Variants in NYAP2 observed in about 807,000 individuals in gnomAD.
The protein encoded by NYAP2 is neuronal tyrosine-phosphorylated phosphoinositide-3-kinase adapter 2.
A neutral mutation model predicts 50.4 loss-of-function variants in NYAP2; 23 were observed. The observed-to-expected ratio is 0.46, with a 90% CI of 0.33 to 0.65. NYAP2 has a LOEUF of 0.65. Ranked by LOEUF, NYAP2 falls within the 30% of genes least tolerant of loss-of-function variation. NYAP2 has a pLI of 0.02. For synonymous variants in NYAP2, 394 were observed against 365.2 expected, an observed-to-expected ratio of 1.08 and a Z score of -0.90; for missense variants, 885 against 861.0, an observed-to-expected ratio of 1.03 and a Z score of -0.35.
intron 3 of NYAP2, among the ~76,000 whole-genome samples, chr2:225,496,877 T>C (rs185106095): frequency 2.0e-5 from 3 of 152,334 alleles, no homozygotes. Flanking sequence ...AATACTATAA[T>C]GAGACCAACT....
chr2:225,483,222 A>G (rs1690235796), intron 3 of NYAP2, among the ~76,000 whole-genome samples: 1 of 152,226 alleles, frequency 6.6e-6, no homozygotes, highest in Non-Finnish European at 1.5e-5. Context: ...TAATAATAAT[A>G]AATAAGAGAG....
chr2:225,568,022 T>C (rs1691992573), intron 4 of NYAP2, among the ~76,000 whole-genome samples: 1 of 152,174 alleles, frequency 6.6e-6, no homozygotes, highest in Non-Finnish European at 1.5e-5. Flanking sequence ...TTTTATTCCC[T>C]ATATTGCTAG....
chr2:225,404,702 A>C (rs528192088), intron 2 of NYAP2, among the ~76,000 whole-genome samples: 1 of 152,126 alleles, frequency 6.6e-6, no homozygotes, highest in East Asian at 1.9e-4. Context: ...AACAAAGTGA[A>C]AAAATAAAAT....
At chr2:225,472,867 G>A (rs1415032302) in intron 3 of NYAP2, among the ~76,000 whole-genome samples, 1 of 151,946 alleles carries the variant, frequency 6.6e-6, no homozygotes, top group Non-Finnish European at 1.5e-5. Flanking sequence ...GTGCAGGTTT[G>A]TTACATATGT....
intron 2 of NYAP2, among the ~76,000 whole-genome samples, chr2:225,405,313 G>A (rs150398758): frequency 2.8e-4 from 43 of 152,064 alleles, no homozygotes; most frequent in African/African-American, 7.9e-4. Context: ...ATGCTACCTG[G>A]AGGAGAGGGG....
Position 225,458,816 on chromosome 2 carries a change from A to G in NYAP2, c.221+49715A>G, listed in dbSNP as rs1464040229. 2.0e-5 allele frequency among the ~76,000 whole-genome samples: 3 copies of G among 152,240 alleles called. No homozygotes were observed. In the East Asian group the frequency reaches 5.8e-4, roughly 29 times the overall value. ...TTCCTTCTTACCACTTTAGTCAAGA[A>G]GCTGTGTTGGTTTTAAAGTAATTCT... On this transcript the variant is annotated intron_variant, in intron 3 of 6. Coordinates refer to ENST00000636099, the Ensembl canonical transcript of NYAP2.
chr2:225,589,019 T>G (rs144352898), intron 5 of NYAP2, among the ~76,000 whole-genome samples: 84 of 152,346 alleles, frequency 5.5e-4, no homozygotes, highest in African/African-American at 2.0e-3. Context: ...GATAGTTTTA[T>G]TGATGCATCT....
intron 4 of NYAP2, among the ~76,000 whole-genome samples, chr2:225,535,491 G>T (rs901638885): frequency 9.9e-5 from 15 of 152,184 alleles, no homozygotes; most frequent in African/African-American, 3.1e-4. Context: ...GGTCAGTGTT[G>T]AGGGAACAGT....
At chr2:225,689,587 C>T in the NYAP2 span, among the ~76,000 whole-genome samples, 1 of 152,072 alleles carries the variant, frequency 6.6e-6, no homozygotes, top group Non-Finnish European at 1.5e-5. Flanking sequence ...ATGTCTATAT[C>T]TCAAAACTAA....
intron 6 of NYAP2, among the ~76,000 whole-genome samples, chr2:225,645,206 TGAG>T (rs968995350): frequency 1.2e-4 from 18 of 144,996 alleles, no homozygotes; most frequent in Non-Finnish European, 2.1e-4. Flanking sequence ...TGCAGTGAGC[TGAG>T]ATCACGTCAC....
At chr2:225,635,142 C>A (rs1326377066) in intron 6 of NYAP2, among the ~76,000 whole-genome samples, 3 of 152,206 alleles carry the variant, frequency 2.0e-5, no homozygotes, top group Non-Finnish European at 4.4e-5. Context: ...GACTCCCATG[C>A]ACACAAGTTT....
At chr2:225,662,516 C>T in the NYAP2 span, among the ~76,000 whole-genome samples, 1 of 152,236 alleles carries the variant, frequency 6.6e-6, no homozygotes, top group African/African-American at 2.4e-5. Context: ...CAGAATCCTA[C>T]GAACAGACAC....
At chr2:225,538,251 G>A (rs960787227) in intron 4 of NYAP2, among the ~76,000 whole-genome samples, 4 of 152,202 alleles carry the variant, frequency 2.6e-5, no homozygotes, top group Admixed American at 2.0e-4. Flanking sequence ...GGGACTCCAT[G>A]TGGGGGCTCC....
intron 4 of NYAP2, among the ~76,000 whole-genome samples, chr2:225,523,666 C>G (rs929586749): frequency 6.6e-6 from 1 of 152,002 alleles, no homozygotes; most frequent in African/African-American, 2.4e-5. Flanking sequence ...GACACAATCC[C>G]TATCAAATTA....
rs961782817 is a variant in NYAP2, at chr2:225,592,890, C to T, written c.1618+9855C>T. On this transcript the variant is annotated intron_variant, in intron 5 of 6. Coordinates refer to ENST00000636099, the Ensembl canonical transcript of NYAP2. ...TTCTCTCCATTAAGAAGAACCCTAC[C>T]TGCTTTAGATGTATAAAATGCAGAA... is the stretch of plus-strand genomic sequence containing the variant. 4.4e-4 allele frequency among the ~76,000 whole-genome samples: 67 copies of T among 152,118 alleles called. 2 individuals carry two copies. Among genetic ancestry groups the T allele is most frequent in the Non-Finnish European group, 1.2e-4 (8 of 68,030 alleles).
intron 4 of NYAP2, among the ~76,000 whole-genome samples, chr2:225,561,096 C>T (rs115708312): frequency 2.0e-3 from 310 of 151,808 alleles, no homozygotes; most frequent in African/African-American, 7.4e-3. Flanking sequence ...GAAGAGGCAG[C>T]GATATTACAG....
intron 4 of NYAP2, among the ~76,000 whole-genome samples, chr2:225,521,859 C>G (rs972967137): frequency 1.3e-5 from 2 of 152,022 alleles, no homozygotes; most frequent in African/African-American, 2.4e-5. Flanking sequence ...GTACCAGTTC[C>G]TCCTTGTACC....
intron 4 of NYAP2, among the ~76,000 whole-genome samples, chr2:225,550,327 T>C (rs769495230): frequency 2.0e-5 from 3 of 151,840 alleles, no homozygotes; most frequent in Non-Finnish European, 2.9e-5. Flanking sequence ...TTCCTTACAG[T>C]ATTATATGAG....
chr2:225,655,885 T>TACACACACACACACAC (rs372646871), downstream of NYAP2, among the ~76,000 whole-genome samples: 363 of 121,178 alleles, frequency 3.0e-3, 9 homozygotes, highest in Middle Eastern at 4.9e-3. Context: ...CAACCTCCAC[T>TACACACACACACACAC]ACACACACAC....
Sources: gnomAD v4.1 joint callset for allele counts (sites outside exome capture counted in the v4.1 genomes callset) on GRCh38, gnomAD v4.1.1 for gene constraint, MANE v1.5 for transcripts, NCBI Gene and HGNC (gene_info 2026-07-23, HGNC 2026-07-21) for gene names.